CSGALNACT1: variants seen among roughly 807,000 people sequenced by gnomAD.
The protein encoded by CSGALNACT1 is chondroitin sulfate N-acetylgalactosaminyltransferase 1, also known as beta4GalNAcT-1.
CSGALNACT1 carries 52 observed loss-of-function variants against 51.0 expected under a neutral mutation model. The observed-to-expected ratio is 1.02, with a 90% CI of 0.82 to 1.29. The LOEUF (loss-of-function observed/expected upper bound fraction) is 1.29, where lower values mean the gene tolerates loss of function less well. CSGALNACT1 is among the 50% of genes most tolerant of loss of function. CSGALNACT1 has a pLI of 0.00. For missense variants in CSGALNACT1, 935 were observed against 679.2 expected (o/e 1.38, Z -4.19); for synonymous variants, 341 against 254.4 (o/e 1.34, Z -3.24).
intron 4 of CSGALNACT1, among the ~76,000 whole-genome samples, chr8:19,461,035 G>A (rs571254661): frequency 7.9e-5 from 12 of 152,114 alleles, no homozygotes; most frequent in Non-Finnish European, 1.2e-4. Flanking sequence ...GCCGAGACAC[G>A]GAGGAATTAC....
chr8:19,615,677 G>C (rs962884806), intron 1 of CSGALNACT1, among the ~76,000 whole-genome samples: 1 of 152,146 alleles, frequency 6.6e-6, no homozygotes, highest in Non-Finnish European at 1.5e-5. Flanking sequence ...CAAAGACAAA[G>C]ATTTTCAACA....
chr8:19,751,258 C>G (rs2065008954), intron 1 of CSGALNACT1, among the ~76,000 whole-genome samples: 1 of 152,110 alleles, frequency 6.6e-6, no homozygotes, highest in African/African-American at 2.4e-5. Flanking sequence ...CTTCCTAAAT[C>G]TTAGCGTTCT....
intron 1 of CSGALNACT1, among the ~76,000 whole-genome samples, chr8:19,715,132 T>A (rs370407435): frequency 4.7e-4 from 71 of 152,160 alleles, no homozygotes; most frequent in African/African-American, 1.7e-3. Flanking sequence ...GCAGCAAAAG[T>A]AAATGAGGAA....
intron 4 of CSGALNACT1, among the ~76,000 whole-genome samples, chr8:19,499,890 G>A (rs545927285): frequency 6.6e-6 from 1 of 152,300 alleles, no homozygotes; most frequent in South Asian, 2.1e-4. Context: ...CTGGGTACTG[G>A]ATTCCCGGCA....
At chr8:19,474,941 A>C (rs1005422391) in intron 4 of CSGALNACT1, among the ~76,000 whole-genome samples, 4 of 152,002 alleles carry the variant, frequency 2.6e-5, no homozygotes, top group African/African-American at 4.8e-5. Context: ...ATATACAAAG[A>C]TGAATAAAAA....
intron 3 of CSGALNACT1, among the ~76,000 whole-genome samples, chr8:19,552,937 G>T (rs1292439295): frequency 6.6e-6 from 1 of 152,134 alleles, no homozygotes; most frequent in Non-Finnish European, 1.5e-5. Context: ...ACAGAGGCAG[G>T]GAAGACTGTG....
intron 3 of CSGALNACT1, among the ~76,000 whole-genome samples, chr8:19,573,427 T>G (rs2043445804): frequency 6.6e-6 from 1 of 152,090 alleles, no homozygotes; most frequent in South Asian, 2.1e-4. Flanking sequence ...AAGAGTCACT[T>G]AAGTCATGAA....
rs186374357 is a variant in CSGALNACT1 at position 19,695,763 on chromosome 8, G to C, written c.-297+62087C>G. Among the ~76,000 whole-genome samples the C allele has an allele frequency of 1.7e-4, 26 of 152,238 alleles. No homozygotes were observed. The East Asian group carries it at 4.3e-3, about 25-fold the overall frequency. ...TTTCATGTGATATCATGCACATGTT[G>C]TTTAAGAGTTTGTGGAGTCAAAAAG... On this transcript the variant is annotated intron_variant, in intron 1 of 1. Transcript: ENST00000517494.
upstream of CSGALNACT1, among the ~76,000 whole-genome samples, chr8:19,603,512 T>G (rs1012921197): frequency 6.6e-6 from 1 of 152,224 alleles, no homozygotes; most frequent in Non-Finnish European, 1.5e-5. Flanking sequence ...CAAATTGCAG[T>G]TGGCAGCAAC....
intron 3 of CSGALNACT1, among the ~76,000 whole-genome samples, chr8:19,535,803 G>A (rs895738681): frequency 1.3e-5 from 2 of 152,080 alleles, no homozygotes; most frequent in Non-Finnish European, 2.9e-5. Flanking sequence ...AAAACTCTCA[G>A]AAAAGCAAGA....
At chr8:19,539,775 C>T (rs886387149) in intron 3 of CSGALNACT1, among the ~76,000 whole-genome samples, 3 of 152,146 alleles carry the variant, frequency 2.0e-5, no homozygotes, top group Non-Finnish European at 4.4e-5. Context: ...CTGTGATTCT[C>T]CACCCCCTTC....
intron 1 of CSGALNACT1, among the ~76,000 whole-genome samples, chr8:19,749,902 C>G (rs2064922104): frequency 6.6e-6 from 1 of 152,178 alleles, no homozygotes; most frequent in South Asian, 2.1e-4. Flanking sequence ...GCCAGGGAGC[C>G]AGAAGTCCAT....
chr8:19,598,473 CTG>C (rs2049462247), intron 2 of CSGALNACT1, among the ~76,000 whole-genome samples: 1 of 152,314 alleles, frequency 6.6e-6, no homozygotes, highest in East Asian at 1.9e-4. Flanking sequence ...AAAATCCAAA[CTG>C]TTACTTTTCT....
intron 5 of CSGALNACT1, among the ~76,000 whole-genome samples, chr8:19,447,361 T>TG (rs943490358): frequency 6.6e-6 from 1 of 152,052 alleles, no homozygotes; most frequent in African/African-American, 2.4e-5. Flanking sequence ...AAATAGGCTG[T>TG]GGGGAAGGAC....
intron 1 of CSGALNACT1, among the ~76,000 whole-genome samples, chr8:19,723,072 C>T (rs1370241794): frequency 6.6e-6 from 1 of 152,212 alleles, no homozygotes; most frequent in East Asian, 1.9e-4. Flanking sequence ...GAGCAAGCCT[C>T]CTCTATTTGT....
chr8:19,562,006 A>T (rs2040850599), intron 3 of CSGALNACT1, among the ~76,000 whole-genome samples: 1 of 152,032 alleles, frequency 6.6e-6, no homozygotes, highest in South Asian at 2.1e-4. Context: ...CGTGGCTTCC[A>T]CCTTCTCCTA....
intron 3 of CSGALNACT1, among the ~76,000 whole-genome samples, chr8:19,533,397 C>G (rs952389716): frequency 7.9e-5 from 12 of 152,302 alleles, no homozygotes; most frequent in African/African-American, 2.6e-4. Flanking sequence ...ATTAGGATTA[C>G]AGTCATAAGC....
intron 1 of CSGALNACT1, among the ~76,000 whole-genome samples, chr8:19,679,516 T>A (rs941194839): frequency 6.6e-6 from 1 of 152,108 alleles, no homozygotes; most frequent in Non-Finnish European, 1.5e-5. Context: ...ACTTAACCCA[T>A]ATACAGATCA....
intron 1 of CSGALNACT1, among the ~76,000 whole-genome samples, chr8:19,743,025 G>C (rs1279781469): frequency 1.3e-5 from 2 of 152,084 alleles, no homozygotes; most frequent in Non-Finnish European, 2.9e-5. Flanking sequence ...TTTTCATTCA[G>C]AGCCAGATCT....
Sources: allele counts gnomAD v4.1 joint callset (sites outside exome capture counted in the v4.1 genomes callset), GRCh38; gene constraint gnomAD v4.1.1; transcripts MANE v1.5; gene names NCBI Gene and HGNC (gene_info 2026-07-23, HGNC 2026-07-21).